IRS1: variants seen among roughly 807,000 people sequenced by gnomAD.
The protein encoded by IRS1 is insulin receptor substrate 1.
IRS1 carries 34 observed loss-of-function variants against 65.6 expected under a neutral mutation model. The observed-to-expected ratio is 0.52, with a 90% CI of 0.39 to 0.69. The LOEUF is 0.69. Ranked by LOEUF, IRS1 falls within the 30% of genes least tolerant of loss-of-function variation. The probability of loss-of-function intolerance (pLI) is 0.00; values close to 1 mark genes in which losing one functional copy is unlikely to be tolerated. For synonymous variants in IRS1, 699 were observed against 683.5 expected, an observed-to-expected ratio of 1.02 and a Z score of -0.35; for missense variants, 1,641 against 1,720.2, an observed-to-expected ratio of 0.95 and a Z score of 0.81.
chr2:226,785,877 A>G (rs1357602796), intron 1 of IRS1, among the ~76,000 whole-genome samples: 1 of 144,194 alleles, frequency 6.9e-6, no homozygotes, highest in African/African-American at 2.6e-5. Flanking sequence ...ATATCTCCCA[A>G]TGCTATCCCT....
At chr2:226,738,517 C>T (rs915030760) in intron 1 of IRS1, among the ~76,000 whole-genome samples, 3 of 152,164 alleles carry the variant, frequency 2.0e-5, no homozygotes, top group Non-Finnish European at 1.5e-5. Flanking sequence ...CTTGGCATGA[C>T]GATCACAATA....
At position 226,736,490 on chromosome 2, in the gene IRS1, C is replaced by T. The variant is rs567702851; in HGVS notation, c.*22-240G>A. Among the ~76,000 whole-genome samples the T allele has an allele frequency of 3.9e-4, 59 of 152,304 alleles. No homozygotes were observed. The Middle Eastern group carries it at 0.01, about 26-fold the overall frequency. Reference sequence around the variant, plus strand: ...AATGTGGAATCTGTAAACAAATCAACATGATCTGGATGTTTCAGAGGTTTA... The same window carrying T: ...AATGTGGAATCTGTAAACAAATCAATATGATCTGGATGTTTCAGAGGTTTA... On this transcript the variant is annotated intron_variant, in intron 1 of 1. Transcript: ENST00000305123.
At chr2:226,740,569 A>G (rs1489898304) in intron 1 of IRS1, among the ~76,000 whole-genome samples, 8 of 152,230 alleles carry the variant, frequency 5.3e-5, no homozygotes, top group Non-Finnish European at 4.4e-5. Flanking sequence ...GCACAAGAGT[A>G]TAAGTGTGAT....
chr2:226,771,263 G>C (rs1357608655), intron 1 of IRS1, among the ~76,000 whole-genome samples: 4 of 152,212 alleles, frequency 2.6e-5, no homozygotes, highest in Non-Finnish European at 5.9e-5. Flanking sequence ...TGGCTGCTGA[G>C]GAGTTTATAG....
intron 1 of IRS1, among the ~76,000 whole-genome samples, chr2:226,784,086 G>C (rs1939439775): frequency 6.6e-6 from 1 of 151,854 alleles, no homozygotes; most frequent in African/African-American, 2.4e-5. Flanking sequence ...ACAAGCAGAA[G>C]AACTGCCCAG....
rs1297321044 is a variant in IRS1, at chr2:226,799,235, G to T, written c.-497C>A. On this transcript the variant is annotated 5_prime_UTR_variant, in exon 1 of 2. Transcript: ENST00000305123. This position sits in a 1 kb window ranked among gnomAD's most constrained non-coding sequence, Gnocchi z 6.1. Reference sequence around the variant, plus strand: ...ATCCTTGGGCAGGGGGAGGCGGGTTGCCAAGTCCCAACGTTGCACGGGGTT... The same window carrying T: ...ATCCTTGGGCAGGGGGAGGCGGGTTTCCAAGTCCCAACGTTGCACGGGGTT... The T allele has an allele frequency of 8.9e-7, 1 of 1,117,904 alleles. No individual in the cohort carries two copies. The highest frequency in any genetic ancestry group is 1.7e-5 in the African/African-American group (1 of 58,350). The allele number at this position is 1,117,904 out of a possible 1,614,324, so 69.2% of individuals were successfully genotyped here.
chr2:226,738,372 C>T (rs549326103), intron 1 of IRS1, among the ~76,000 whole-genome samples: 17 of 152,264 alleles, frequency 1.1e-4, no homozygotes, highest in South Asian at 8.3e-4. Flanking sequence ...TCATTCATTA[C>T]GCAATGGTTT....
intron 1 of IRS1, among the ~76,000 whole-genome samples, chr2:226,765,474 C>T (rs1209353921): frequency 1.3e-5 from 2 of 152,162 alleles, no homozygotes; most frequent in African/African-American, 2.4e-5. Flanking sequence ...GACTTTTTAT[C>T]GGGGCCCTGT....
At chr2:226,754,284 G>A (rs1159825304) in intron 1 of IRS1, among the ~76,000 whole-genome samples, 1 of 152,156 alleles carries the variant, frequency 6.6e-6, no homozygotes, top group Admixed American at 6.5e-5. Flanking sequence ...CCTGGAGTGA[G>A]GGTGGGTTTA....
At chr2:226,785,794 C>T (rs2106178979) in intron 1 of IRS1, among the ~76,000 whole-genome samples, 1 of 151,500 alleles carries the variant, frequency 6.6e-6, no homozygotes, top group South Asian at 2.1e-4. Flanking sequence ...GCACAATGTG[C>T]AGGTTAGTTA....
At position 226,798,017 on chromosome 2, in the gene IRS1, T is replaced by C; in HGVS notation, c.722A>G (p.Asp241Gly). The C allele has an allele frequency of 1.9e-6, 3 of 1,613,972 alleles. No individual in the cohort carries two copies. The highest frequency in any genetic ancestry group is 2.5e-6 in the Non-Finnish European group (3 of 1,180,006). The change falls in exon 1 of 2, where the codon GAT (aspartate) becomes GGT (glycine). Residue 241 changes from aspartate (D) to glycine (G), a missense_variant. Asp to Gly is a moderately conservative substitution (Grantham distance 94). Transcript: ENST00000305123. The surrounding 1 kb of genome is among the most constrained non-coding windows in gnomAD (Gnocchi z 9.4). ...CATGTTCTGGGCCACCACAGAGTCA[T>C]CCACCTGCATCCAGAACTCCCCGGG... ...TGPGEFWMQV[D>G]DSVVAQNMHE... is the part of the protein sequence containing the mutation.
Position 226,732,292 on chromosome 2 carries a change from G to A in IRS1, c.*3980C>T, listed in dbSNP as rs534202323. ...AAAGATCTTCTGTGGCGCTGCCTCA[G>A]AAAGGACCCATGGCCCCAGTGTTTA... On this transcript the variant is annotated 3_prime_UTR_variant, in exon 2 of 2. Coordinates refer to ENST00000305123, the MANE Select transcript of IRS1 (RefSeq NM_005544.3). 14 of 152,102 alleles carry A rather than the reference G, an allele frequency of 9.2e-5. No homozygotes were observed. The highest frequency in any genetic ancestry group is 9.2e-4 in the Admixed American group (14 of 15,238). 9.4% of individuals were successfully genotyped at this position (152,102 alleles called of 1,614,324 possible).
rs1316389572 is a variant in IRS1 at position 226,798,297 on chromosome 2, C to A, written c.442G>T (p.Asp148Tyr). ...GGGGGCACGTCACCGTAGCTCAAGT[C>A]CTCCCCAGCCTCACCAAGGCCGGAG... ...GSSGLGEAGE[D>Y]LSYGDVPPGP... The change falls in exon 1 of 2, where the codon GAC becomes TAC. Residue 148 changes from aspartate (D) to tyrosine (Y), a missense_variant. Asp to Tyr is a radical substitution (Grantham distance 160). This residue lies in a region of IRS1 where 240 missense variants were observed against 229.6 expected (regional missense o/e 1.05). Coordinates refer to ENST00000305123, the MANE Select transcript of IRS1 (RefSeq NM_005544.3). This position sits in a 1 kb window ranked among gnomAD's most constrained non-coding sequence, Gnocchi z 9.4. 1 of 1,613,106 alleles carries A rather than the reference C, an allele frequency of 6.2e-7. No homozygotes were observed. Among genetic ancestry groups the A allele is most frequent in the South Asian group, 1.1e-5 (1 of 91,088 alleles).
chr2:226,785,124 A>G (rs1054738574), intron 1 of IRS1, among the ~76,000 whole-genome samples: 4 of 152,238 alleles, frequency 2.6e-5, no homozygotes, highest in African/African-American at 9.7e-5. Context: ...ACTGAAAAAT[A>G]TGAGACATTG....
intron 1 of IRS1, among the ~76,000 whole-genome samples, chr2:226,766,121 TTA>T (rs1171119286): frequency 8.4e-4 from 12 of 14,228 alleles, no homozygotes; most frequent in African/African-American, 1.3e-3. Flanking sequence ...TCTCTTAATC[TTA>T]TATATATATA....
At position 226,798,763 on chromosome 2, in the gene IRS1, G is replaced by T; in HGVS notation, c.-25C>A. ...TGCTGCCACCGCCACCACCAACGCT[G>T]AGCAGAGGGAGGCTCCGAAAAACAA... On this transcript the variant is annotated 5_prime_UTR_variant, in exon 1 of 2. Transcript: ENST00000305123. The surrounding 1 kb of genome is among the most constrained non-coding windows in gnomAD (Gnocchi z 9.4). The T allele has an allele frequency of 6.2e-7, 1 of 1,600,444 alleles. No individual in the cohort carries two copies. The highest frequency in any genetic ancestry group is 2.3e-5 in the East Asian group (1 of 44,198).
chr2:226,744,591 G>A (rs184825112), intron 1 of IRS1, among the ~76,000 whole-genome samples: 12 of 152,298 alleles, frequency 7.9e-5, no homozygotes, highest in African/African-American at 2.6e-4. Flanking sequence ...ACCTGAACTC[G>A]GCTTCCTGTC....
chr2:226,797,700 C>T lies in IRS1; in HGVS notation c.1039G>A (p.Val347Met). 2 of 1,597,836 alleles carry T rather than the reference C, an allele frequency of 1.3e-6. No individual in the cohort carries two copies. The highest frequency in any genetic ancestry group is 1.1e-5 in the South Asian group (1 of 90,768). ...SRPASVDGSP[V>M]SPSTNRTHAH... ...TGGGTTCTGTTGGTGCTGGGACTCA[C>T]AGGGCTGCCGTCCACCGAGGCTGGG... Residue 347 changes from valine (V) to methionine (M), a missense_variant, in exon 1 of 2, where the codon GTG (valine) becomes ATG (methionine). Coordinates refer to ENST00000305123, the MANE Select transcript of IRS1 (RefSeq NM_005544.3). The surrounding 1 kb of genome is among the most constrained non-coding windows in gnomAD (Gnocchi z 8.1).
intron 1 of IRS1, among the ~76,000 whole-genome samples, chr2:226,742,713 G>GGAAAAAAAAAA (rs889878007): frequency 3.2e-5 from 4 of 124,596 alleles, no homozygotes; most frequent in African/African-American, 1.1e-4. Context: ...CACGCATTAT[G>GGAAAAAAAAAA]AAAAAAAAAA....
Sources: gnomAD v4.1 joint callset for allele counts (sites outside exome capture counted in the v4.1 genomes callset) on GRCh38, gnomAD v4.1.1 for gene constraint, gnomAD v4.1.1 regional missense constraint, Gnocchi (gnomAD v3.1) non-coding constraint, MANE v1.5 for transcripts, NCBI Gene and HGNC (gene_info 2026-07-23, HGNC 2026-07-21) for gene names.